The following KLHL29 variants were observed in gnomAD, a reference collection of about 807,000 sequenced individuals.
The protein encoded by KLHL29 is kelch-like protein 29.
KLHL29 carries 21 observed loss-of-function variants against 80.4 expected under a neutral mutation model. That is an observed-to-expected ratio of 0.26 (90% CI 0.19 to 0.38). KLHL29 has a LOEUF of 0.38. Ranked by LOEUF, KLHL29 falls within the 10% of genes least tolerant of loss-of-function variation. KLHL29 has a pLI of 1.00. For missense variants in KLHL29, 867 were observed against 1,223.9 expected, an observed-to-expected ratio of 0.71 and a Z score of 4.35; for synonymous variants, 511 against 526.8, an observed-to-expected ratio of 0.97 and a Z score of 0.41.
intron 1 of KLHL29, among the ~76,000 whole-genome samples, chr2:23,396,324 C>T (rs2103385610): frequency 6.6e-6 from 1 of 152,338 alleles, no homozygotes; most frequent in East Asian, 1.9e-4. Flanking sequence ...CCCTCGTAGC[C>T]ACCCACATAC....
rs1243229268 is a variant in KLHL29 at position 23,693,281 on chromosome 2, C to T, written c.1295C>T (p.Thr432Met). 8.4e-6 allele frequency: 13 copies of T among 1,541,794 alleles called. No individual in the cohort carries two copies. The highest frequency in any genetic ancestry group is 2.1e-4 in the Middle Eastern group (1 of 4,778). Residue 432 changes from threonine (T) to methionine (M), a missense_variant, in exon 8 of 14, where the codon ACG (threonine) becomes ATG (methionine). Coordinates refer to ENST00000486442, the MANE Select transcript of KLHL29 (RefSeq NM_052920.2). The part of the protein sequence containing the change: ...VCVSFLEKQL[T>M]ASNCLGVLAM... Reference sequence around the variant, plus strand: ...CTGTCGCCCCCAGAGAAGCAGCTGACGGCCAGCAACTGCCTGGGCGTGCTG... The same window carrying T: ...CTGTCGCCCCCAGAGAAGCAGCTGATGGCCAGCAACTGCCTGGGCGTGCTG...
intron 2 of KLHL29, among the ~76,000 whole-genome samples, chr2:23,550,086 C>T (rs188233520): frequency 1.2e-3 from 176 of 152,180 alleles, no homozygotes; most frequent in African/African-American, 4.0e-3. Flanking sequence ...TATGGCTGTG[C>T]CCTCCTGAAC....
chr2:23,643,019 TG>T (rs1320507706), intron 5 of KLHL29, 169 bp downstream of exon 5: 1 of 808,480 alleles, frequency 1.2e-6, no homozygotes, highest in East Asian at 2.7e-5. Flanking sequence ...TGGCCTGAGA[TG>T]GGGGAGGGAG....
At chr2:23,598,502 C>T (rs1194184072) in intron 3 of KLHL29, among the ~76,000 whole-genome samples, 1 of 152,252 alleles carries the variant, frequency 6.6e-6, no homozygotes, top group Admixed American at 6.5e-5. Context: ...CTGCCAATCA[C>T]GTTCCCTGGT....
At chr2:23,542,031 A>G (rs990368839) in intron 2 of KLHL29, among the ~76,000 whole-genome samples, 1 of 152,184 alleles carries the variant, frequency 6.6e-6, no homozygotes, top group Admixed American at 6.5e-5. Flanking sequence ...GCCTGTTGTT[A>G]AGTCATTGTC....
chr2:23,509,088 G>A (rs1479883915), intron 2 of KLHL29, among the ~76,000 whole-genome samples: 2 of 152,170 alleles, frequency 1.3e-5, no homozygotes, highest in East Asian at 3.8e-4. Flanking sequence ...AAAATAAAAC[G>A]TCCATCAGCT....
At chr2:23,463,629 C>T (rs1664274045) in intron 1 of KLHL29, among the ~76,000 whole-genome samples, 1 of 152,138 alleles carries the variant, frequency 6.6e-6, no homozygotes, top group Non-Finnish European at 1.5e-5. Flanking sequence ...AACACCGGGT[C>T]TTCTGCTGAG....
intron 2 of KLHL29, among the ~76,000 whole-genome samples, chr2:23,535,102 ATTAG>A (rs1319465501): frequency 2.0e-5 from 3 of 152,254 alleles, no homozygotes; most frequent in Non-Finnish European, 1.5e-5. Context: ...TCTCCATAAA[ATTAG>A]TTAATTTTTT....
rs1479337949 is a variant in KLHL29, at chr2:23,602,611, G to T, written c.286-36528G>T. ...ACAGCTCCAGGCAGCTGCTCTACGT[G>T]AATTTTTTTTTTTTTTTTTTTTTAA... On this transcript the variant is annotated intron_variant, in intron 3 of 13. Transcript: ENST00000486442. 7.9e-4 allele frequency among the ~76,000 whole-genome samples: 106 copies of T among 134,322 alleles called. 1 individual carries two copies. Among genetic ancestry groups the T allele is most frequent in the Admixed American group, 7.6e-3 (103 of 13,538 alleles). The allele number at this position is 134,322 out of a possible 152,430, so 88.1% of individuals were successfully genotyped here.
chr2:23,628,370 T>G (rs949007530), intron 3 of KLHL29, among the ~76,000 whole-genome samples: 2 of 151,984 alleles, frequency 1.3e-5, no homozygotes, highest in African/African-American at 4.8e-5. Context: ...GGGGAGGCGC[T>G]GGGAAGGCCA....
At chr2:23,393,374 T>C (rs146017679) in intron 1 of KLHL29, among the ~76,000 whole-genome samples, 199 of 152,366 alleles carry the variant, frequency 1.3e-3, no homozygotes, top group Admixed American at 2.6e-3. Context: ...GATTTATGAT[T>C]TGAGACTTTG....
chr2:23,425,484 G>A (rs1446130583), intron 1 of KLHL29, among the ~76,000 whole-genome samples: 1 of 152,220 alleles, frequency 6.6e-6, no homozygotes, highest in Non-Finnish European at 1.5e-5. Context: ...CCAAAAGCTA[G>A]CCAGAGGTGA....
At chr2:23,666,185 A>G (rs1267117633) in intron 5 of KLHL29, among the ~76,000 whole-genome samples, 1 of 152,224 alleles carries the variant, frequency 6.6e-6, no homozygotes, top group Non-Finnish European at 1.5e-5. Flanking sequence ...CTCATATTTG[A>G]GCTCCCCAAA....
At chr2:23,667,171 ATTTGCAAG>A (rs1413270898) in intron 5 of KLHL29, 1 of 152,170 alleles carries the variant, frequency 6.6e-6, no homozygotes, top group Non-Finnish European at 1.5e-5. Context: ...CGGGTGAGTG[ATTTGCAAG>A]GACCACAAGA....
chr2:23,414,158 A>G (rs1286678492), intron 1 of KLHL29, among the ~76,000 whole-genome samples: 1 of 152,242 alleles, frequency 6.6e-6, no homozygotes, highest in Non-Finnish European at 1.5e-5. Context: ...TTGTCTTTGA[A>G]GGATCCTCCT....
intron 3 of KLHL29, among the ~76,000 whole-genome samples, chr2:23,564,144 G>T (rs1240950641): frequency 6.6e-6 from 1 of 152,258 alleles, no homozygotes; most frequent in Non-Finnish European, 1.5e-5. Flanking sequence ...TCCTTTTAAG[G>T]ATACATGCCT....
intron 1 of KLHL29, among the ~76,000 whole-genome samples, chr2:23,402,382 CTT>C (rs535882631): frequency 1.5e-3 from 227 of 152,344 alleles, no homozygotes; most frequent in Non-Finnish European, 2.8e-3. Flanking sequence ...AAAAGATAAA[CTT>C]TGCTCCATTT....
chr2:23,685,016 G>A (rs1671199422), intron 6 of KLHL29, among the ~76,000 whole-genome samples: 1 of 152,226 alleles, frequency 6.6e-6, no homozygotes, highest in Non-Finnish European at 1.5e-5. Flanking sequence ...GGAGCACAAG[G>A]TGCCCCCGGG....
intron 2 of KLHL29, among the ~76,000 whole-genome samples, chr2:23,522,648 A>T (rs1245558561): frequency 6.6e-6 from 1 of 152,052 alleles, no homozygotes; most frequent in Admixed American, 6.5e-5. Context: ...CTCTTCCCAC[A>T]AAGTAGGCTG....
Sources: gnomAD v4.1 joint callset for allele counts (sites outside exome capture counted in the v4.1 genomes callset) on GRCh38, gnomAD v4.1.1 for gene constraint, MANE v1.5 for transcripts, NCBI Gene and HGNC (gene_info 2026-07-23, HGNC 2026-07-21) for gene names.